The following SLIT2 variants were observed in gnomAD, a reference collection of about 807,000 sequenced individuals.
SLIT2 encodes the protein slit guidance ligand 2, also known as slit homolog 2 protein.
In SLIT2, 41 loss-of-function variants were observed where a neutral mutation model predicts 185.7. That is an observed-to-expected ratio of 0.22 (90% CI 0.17 to 0.29). The LOEUF (loss-of-function observed/expected upper bound fraction) is 0.29, where lower values mean the gene tolerates loss of function less well. Among genes scored for constraint, SLIT2 ranks in the 10% least tolerant of loss-of-function variants. The pLI, the probability that SLIT2 is intolerant of heterozygous loss-of-function variation, is 1.00. For missense variants in SLIT2, 1,571 were observed against 1,909.0 expected (o/e 0.82, Z 3.30); for synonymous variants, 693 against 680.2 (o/e 1.02, Z -0.29).
chr4:20,427,203 G>C (rs1391597330), intron 4 of SLIT2, among the ~76,000 whole-genome samples: 1 of 152,102 alleles, frequency 6.6e-6, no homozygotes, highest in Non-Finnish European at 1.5e-5. Context: ...TGAACCAATA[G>C]CTTTTAGTTT....
intron 4 of SLIT2, among the ~76,000 whole-genome samples, chr4:20,298,810 C>T (rs1252722394): frequency 6.6e-6 from 1 of 152,144 alleles, no homozygotes; most frequent in Non-Finnish European, 1.5e-5. Flanking sequence ...TTCACAATGT[C>T]TTATTTCAAT....
Position 20,252,019 on chromosome 4 carries a change from G to A in SLIT2, c.-1797G>A, listed in dbSNP as rs908840551. 1.3e-5 allele frequency among the ~76,000 whole-genome samples: 2 copies of A among 152,236 alleles called. No individual in the cohort carries two copies. The highest frequency in any genetic ancestry group is 3.9e-4 in the East Asian group (2 of 5,144). ...GAAGGCGGCGGCGGCGGCGGCGGCG[G>A]AGGCGGAGGCAGCTGCGAGGCATGG... On this transcript the variant is annotated 5_prime_UTR_variant, in exon 1 of 37. Transcript: ENST00000504154.
intron 4 of SLIT2, among the ~76,000 whole-genome samples, chr4:20,422,178 G>T (rs987246511): frequency 1.1e-4 from 17 of 152,066 alleles, no homozygotes; most frequent in African/African-American, 3.9e-4. Context: ...TGCAAATTGC[G>T]TGCATTGTCA....
At chr4:20,442,804 C>G (rs1729872538) in intron 4 of SLIT2, among the ~76,000 whole-genome samples, 1 of 152,020 alleles carries the variant, frequency 6.6e-6, no homozygotes, top group South Asian at 2.1e-4. Context: ...ATGGAATTTT[C>G]CTTTCAGTTG....
intron 3 of SLIT2, among the ~76,000 whole-genome samples, chr4:20,265,709 A>G (rs928912341): frequency 5.3e-5 from 8 of 151,856 alleles, no homozygotes; most frequent in Non-Finnish European, 1.0e-4. Flanking sequence ...GTTTAAAACC[A>G]TGAGCTGAAC....
At chr4:20,459,000 T>G (rs1713395578) in intron 4 of SLIT2, among the ~76,000 whole-genome samples, 1 of 152,228 alleles carries the variant, frequency 6.6e-6, no homozygotes, top group South Asian at 2.1e-4. Flanking sequence ...CAGTAAGTTA[T>G]TGACACTTTT....
chr4:20,260,204 A>C (rs1712300210), intron 3 of SLIT2, among the ~76,000 whole-genome samples: 1 of 151,818 alleles, frequency 6.6e-6, no homozygotes, highest in South Asian at 2.1e-4. Context: ...ATATATCTTT[A>C]TTTTAGTCAG....
At position 20,596,667 on chromosome 4, in the gene SLIT2, C is replaced by G. The variant is rs377610390; in HGVS notation, c.3561+12C>G. 1.3e-4 allele frequency: 216 copies of G among 1,608,330 alleles called. 1 individual carries two copies. Among genetic ancestry groups the G allele is most frequent in the Non-Finnish European group, 4.2e-6 (5 of 1,178,964 alleles). On this transcript the variant is annotated intron_variant, in intron 32 of 36. Coordinates refer to ENST00000504154, the MANE Select transcript of SLIT2 (RefSeq NM_004787.4). ...ACATAACACTTCAGGTAAGAGATCT[C>G]TCTCTATGGAGAGATGATCGGATCT...
intron 4 of SLIT2, among the ~76,000 whole-genome samples, chr4:20,342,708 A>T (rs1721054766): frequency 7.2e-6 from 1 of 138,568 alleles, no homozygotes; most frequent in Admixed American, 7.4e-5. Flanking sequence ...CCATTCATCG[A>T]CTATCGCACT....
At chr4:20,379,983 A>C (rs895102611) in intron 4 of SLIT2, among the ~76,000 whole-genome samples, 2 of 152,150 alleles carry the variant, frequency 1.3e-5, no homozygotes, top group African/African-American at 2.4e-5. Context: ...GGAACACTGC[A>C]GAGGGGTTCA....
At chr4:20,534,095 G>A (rs971498387) in intron 18 of SLIT2, among the ~76,000 whole-genome samples, 4 of 152,098 alleles carry the variant, frequency 2.6e-5, no homozygotes, top group Non-Finnish European at 5.9e-5. Context: ...ATATGGATCT[G>A]ACTACCCTGT....
intron 4 of SLIT2, among the ~76,000 whole-genome samples, chr4:20,307,538 G>C (rs1167979875): frequency 1.3e-5 from 2 of 151,970 alleles, no homozygotes; most frequent in Non-Finnish European, 2.9e-5. Context: ...GGGATTATAG[G>C]CATGAGCCAC....
At chr4:20,511,575 C>T (rs1157370907) in intron 11 of SLIT2, among the ~76,000 whole-genome samples, 3 of 60,576 alleles carry the variant, frequency 5.0e-5, no homozygotes, top group Non-Finnish European at 1.0e-4. Flanking sequence ...CGCCTGCCAC[C>T]ACATCCAGCT....
chr4:20,456,955 G>GA (rs947375562), intron 4 of SLIT2, among the ~76,000 whole-genome samples: 2 of 151,578 alleles, frequency 1.3e-5, no homozygotes, highest in Admixed American at 6.6e-5. Context: ...TTTGGATCAT[G>GA]AAAAAAAATA....
intron 18 of SLIT2, among the ~76,000 whole-genome samples, chr4:20,534,068 T>C (rs535630502): frequency 6.6e-6 from 1 of 152,296 alleles, no homozygotes; most frequent in Admixed American, 6.5e-5. Flanking sequence ...AAATAGATCA[T>C]CCTTGTTCCA....
At chr4:20,513,349 A>G (rs911367258) in intron 11 of SLIT2, among the ~76,000 whole-genome samples, 1 of 152,234 alleles carries the variant, frequency 6.6e-6, no homozygotes, top group Non-Finnish European at 1.5e-5. Context: ...TAACTGAGTT[A>G]TTTTAGAGAA....
intron 4 of SLIT2, among the ~76,000 whole-genome samples, chr4:20,400,784 A>G (rs149493758): frequency 3.3e-4 from 50 of 151,976 alleles, no homozygotes; most frequent in African/African-American, 1.2e-3. Flanking sequence ...AGAGGAATCC[A>G]TGGGAATGTG....
intron 4 of SLIT2, among the ~76,000 whole-genome samples, chr4:20,329,220 G>A (rs1250330949): frequency 2.6e-5 from 4 of 151,912 alleles, no homozygotes; most frequent in South Asian, 2.1e-4. Flanking sequence ...AAGGAAATAC[G>A]TAGATGAAAT....
At chr4:20,591,199 T>C (rs1033167820) in intron 30 of SLIT2, among the ~76,000 whole-genome samples, 6 of 152,236 alleles carry the variant, frequency 3.9e-5, no homozygotes, top group Non-Finnish European at 1.5e-5. Flanking sequence ...CAAGCTCAAT[T>C]GCCATAGAAT....
Sources: allele counts gnomAD v4.1 joint callset (sites outside exome capture counted in the v4.1 genomes callset), GRCh38; gene constraint gnomAD v4.1.1; transcripts MANE v1.5; gene names NCBI Gene and HGNC (gene_info 2026-07-23, HGNC 2026-07-21).